Variants in KIT observed in about 807,000 individuals in gnomAD.
The protein encoded by KIT is mast/stem cell growth factor receptor Kit.
A neutral mutation model predicts 105.7 loss-of-function variants in KIT; 16 were observed. That is an observed-to-expected ratio of 0.15 (90% CI 0.10 to 0.23). The LOEUF is 0.23. Ranked by LOEUF, KIT falls within the 10% of genes least tolerant of loss-of-function variation. KIT has a pLI of 1.00. For synonymous variants in KIT, 438 were observed against 441.1 expected, an observed-to-expected ratio of 0.99 and a Z score of 0.09; for missense variants, 858 against 1,213.8, an observed-to-expected ratio of 0.71 and a Z score of 4.36.
rs903534301 is a variant in KIT at position 54,739,249 on chromosome 4, C to T, written c.*692C>T. The T allele has an allele frequency of 4.0e-5, 10 of 251,152 alleles. No homozygotes were observed. Among genetic ancestry groups the T allele is most frequent in the Admixed American group, 1.6e-4 (3 of 18,470 alleles). 15.6% of individuals were successfully genotyped at this position (251,152 alleles called of 1,614,324 possible). ...TGTATATACGCATCTATAAATTGTCCGTGTTCATACATTTGAGGGGAAAAC... is the reference window on the plus strand; with the variant it reads ...TGTATATACGCATCTATAAATTGTCTGTGTTCATACATTTGAGGGGAAAAC... On this transcript the variant is annotated 3_prime_UTR_variant, in exon 21 of 21. Coordinates refer to ENST00000288135, the MANE Select transcript of KIT (RefSeq NM_000222.3).
chr4:54,699,278 T>TA (rs1317812422), intron 3 of KIT, among the ~76,000 whole-genome samples: 4 of 152,182 alleles, frequency 2.6e-5, no homozygotes, highest in Admixed American at 1.3e-4. Context: ...CTTAAAAGAA[T>TA]ATAAGTAGTT....
intron 7 of KIT, among the ~76,000 whole-genome samples, chr4:54,720,273 A>G (rs1431664029): frequency 6.6e-6 from 1 of 152,042 alleles, no homozygotes; most frequent in South Asian, 2.1e-4. Context: ...TGGTTGGCCA[A>G]CCTAAGGCCA....
At chr4:54,664,803 G>A (rs973283616) in intron 1 of KIT, among the ~76,000 whole-genome samples, 6 of 150,976 alleles carry the variant, frequency 4.0e-5, no homozygotes, top group African/African-American at 1.2e-4. Context: ...GTAGAGAATA[G>A]TCTCGAACTT....
chr4:54,728,180 T>G, intron 13 of KIT, 59 bp downstream of exon 13: 1 of 1,275,928 alleles, frequency 7.8e-7, no homozygotes, highest in East Asian at 2.3e-5. Context: ...CATGACATTT[T>G]AATATGATTT....
chr4:54,685,972 T>G (rs1719287246), intron 1 of KIT, among the ~76,000 whole-genome samples: 1 of 152,240 alleles, frequency 6.6e-6, no homozygotes, highest in Non-Finnish European at 1.5e-5. Flanking sequence ...GGTAATTATG[T>G]GAGTCTGTCT....
chr4:54,698,857 T>C (rs977284758), intron 3 of KIT, among the ~76,000 whole-genome samples: 28 of 152,228 alleles, frequency 1.8e-4, no homozygotes, highest in African/African-American at 6.8e-4. Flanking sequence ...AAGTACTCGT[T>C]CTAAGGGAAA....
intron 14 of KIT, 25 bp from the exon 15 acceptor site, chr4:54,731,303 T>C (rs1156516756): frequency 1.3e-6 from 2 of 1,540,182 alleles, no homozygotes; most frequent in Non-Finnish European, 1.8e-6. Flanking sequence ...CTTGATTCAG[T>C]CATGACTTGT....
rs755797225 is a variant in KIT, at chr4:54,736,736, C to G, written c.2612C>G (p.Pro871Arg). The G allele has an allele frequency of 2.0e-5, 33 of 1,614,038 alleles. No individual in the cohort carries two copies. Among genetic ancestry groups the G allele is most frequent in the Non-Finnish European group, 3.4e-6 (4 of 1,180,002 alleles). The change falls in exon 19 of 21, where the codon CCT (proline) becomes CGT (arginine). Residue 871 changes from proline to arginine, a missense_variant. Pro to Arg is a moderately radical substitution (Grantham distance 103). Transcript: ENST00000288135. ...TGTGTCTCAGGAAGCAGCCCCTATC[C>G]TGGAATGCCGGTCGATTCTAAGTTC... ...ELFSLGSSPY[P>R]GMPVDSKFYK... is the part of the protein sequence containing the mutation.
At chr4:54,675,476 C>T (rs1483156745) in intron 1 of KIT, among the ~76,000 whole-genome samples, 11 of 152,188 alleles carry the variant, frequency 7.2e-5, no homozygotes, top group Admixed American at 5.2e-4. Context: ...AGTGAATACT[C>T]ATTAAGCAAA....
chr4:54,721,181 A>G (rs955371402), intron 7 of KIT, among the ~76,000 whole-genome samples: 1 of 152,198 alleles, frequency 6.6e-6, no homozygotes, highest in Non-Finnish European at 1.5e-5. Context: ...AGGCAGACCA[A>G]GATCTTGCAT....
At chr4:54,724,524 C>G (rs1039215115) in intron 8 of KIT, among the ~76,000 whole-genome samples, 1 of 152,114 alleles carries the variant, frequency 6.6e-6, no homozygotes, top group Non-Finnish European at 1.5e-5. Context: ...ATGGCCACAG[C>G]AGAAGCAAGC....
At chr4:54,738,252 C>T (rs2109816739) in intron 20 of KIT, among the ~76,000 whole-genome samples, 177 bp from the exon 21 acceptor site, 1 of 152,242 alleles carries the variant, frequency 6.6e-6, no homozygotes, top group Admixed American at 6.5e-5. Flanking sequence ...AGGGGGAAAA[C>T]AAAGCTTATA....
chr4:54,738,245 G>A (rs976471521), intron 20 of KIT, among the ~76,000 whole-genome samples, 184 bp from the exon 21 acceptor site: 31 of 152,048 alleles, frequency 2.0e-4, no homozygotes, highest in African/African-American at 7.0e-4. Flanking sequence ...AAAATGAAGG[G>A]GGAAAACAAA....
intron 1 of KIT, among the ~76,000 whole-genome samples, chr4:54,681,871 C>T (rs948110262): frequency 3.3e-5 from 5 of 151,862 alleles, no homozygotes; most frequent in African/African-American, 1.2e-4. Flanking sequence ...GAAAACCTGA[C>T]TCTACTAAAA....
intron 3 of KIT, among the ~76,000 whole-genome samples, chr4:54,699,251 A>G (rs931177666): frequency 6.6e-6 from 1 of 152,218 alleles, no homozygotes; most frequent in African/African-American, 2.4e-5. Context: ...GATTTGCATG[A>G]GAAAGACGCC....
chr4:54,704,403 C>G (rs910304747), intron 5 of KIT, among the ~76,000 whole-genome samples: 6 of 147,448 alleles, frequency 4.1e-5, no homozygotes, highest in Non-Finnish European at 8.8e-5. Context: ...CACCTGTTCT[C>G]TAAGCATAAA....
chr4:54,683,257 C>T (rs1259105489), intron 1 of KIT, among the ~76,000 whole-genome samples: 9 of 152,172 alleles, frequency 5.9e-5, no homozygotes, highest in Non-Finnish European at 1.3e-4. Flanking sequence ...AGTAACTTGC[C>T]TAATGATTTA....
intron 5 of KIT, among the ~76,000 whole-genome samples, chr4:54,704,144 C>CT (rs1047982525): frequency 6.6e-6 from 1 of 152,212 alleles, no homozygotes; most frequent in Non-Finnish European, 1.5e-5. Flanking sequence ...CCTCACCCTC[C>CT]TTTCCCCACC....
intron 1 of KIT, among the ~76,000 whole-genome samples, chr4:54,665,130 C>A (rs924274900): frequency 6.6e-6 from 1 of 152,082 alleles, no homozygotes; most frequent in Non-Finnish European, 1.5e-5. Flanking sequence ...AATGCAGAAC[C>A]ATACTGAATT....
Sources: gnomAD v4.1 joint callset for allele counts (sites outside exome capture counted in the v4.1 genomes callset) on GRCh38, gnomAD v4.1.1 for gene constraint, MANE v1.5 for transcripts, NCBI Gene and HGNC (gene_info 2026-07-23, HGNC 2026-07-21) for gene names.